ASPH: variants seen among roughly 807,000 people sequenced by gnomAD.
The protein encoded by ASPH is aspartyl/asparaginyl beta-hydroxylase.
In ASPH, 100 loss-of-function variants were observed where a neutral mutation model predicts 118.4. The observed-to-expected ratio is 0.84, with a 90% CI of 0.72 to 1.00. The LOEUF is 1.00. Ranked by LOEUF, ASPH falls within the 50% of genes least tolerant of loss-of-function variation. ASPH has a pLI of 0.00. For synonymous variants in ASPH, 315 were observed against 325.6 expected (o/e 0.97, Z 0.35); for missense variants, 920 against 919.5 (o/e 1.00, Z -0.01).
At chr8:61,579,977 G>A (rs1836960688) in intron 15 of ASPH, among the ~76,000 whole-genome samples, 1 of 149,200 alleles carries the variant, frequency 6.7e-6, no homozygotes, top group Admixed American at 6.7e-5. Context: ...TTCCATGCAA[G>A]TCTAAAATCC....
intron 13 of ASPH, among the ~76,000 whole-genome samples, chr8:61,623,218 A>C (rs950135099): frequency 2.0e-5 from 3 of 152,202 alleles, no homozygotes; most frequent in African/African-American, 4.8e-5. Context: ...ACCAGCATTC[A>C]TTACTGCTGT....
intron 24 of ASPH, among the ~76,000 whole-genome samples, chr8:61,510,458 G>A (rs1563637691): frequency 6.6e-6 from 1 of 152,190 alleles, no homozygotes; most frequent in African/African-American, 2.4e-5. Flanking sequence ...AAGATTATTA[G>A]TTAAAAAGCT....
At chr8:61,682,543 G>A in intron 2 of ASPH, 10 of 1,465,030 alleles carry the variant, frequency 6.8e-6, no homozygotes, top group Non-Finnish European at 9.6e-6. Flanking sequence ...AATACTTAAA[G>A]TGTCCTCTTT....
At chr8:61,698,212 T>C (rs1042233029) in intron 1 of ASPH, among the ~76,000 whole-genome samples, 1 of 152,358 alleles carries the variant, frequency 6.6e-6, no homozygotes, top group East Asian at 1.9e-4. Context: ...GTAATACTTA[T>C]GGACAGAAAA....
intron 3 of ASPH, among the ~76,000 whole-genome samples, chr8:61,679,010 T>G (rs1826634872): frequency 6.6e-6 from 1 of 152,076 alleles, no homozygotes; most frequent in African/African-American, 2.4e-5. Flanking sequence ...TAAACTACAA[T>G]AATCTCACAA....
intron 21 of ASPH, among the ~76,000 whole-genome samples, chr8:61,547,640 A>G (rs1156302075): frequency 2.0e-5 from 3 of 152,246 alleles, no homozygotes; most frequent in African/African-American, 4.8e-5. Flanking sequence ...AACAATTCCA[A>G]TCTTCTCACT....
At chr8:61,576,355 C>G (rs1314702504) in intron 16 of ASPH, among the ~76,000 whole-genome samples, 1 of 152,184 alleles carries the variant, frequency 6.6e-6, no homozygotes, top group Non-Finnish European at 1.5e-5. Flanking sequence ...TTGGAAAAAA[C>G]TATAGAGACA....
intron 16 of ASPH, among the ~76,000 whole-genome samples, chr8:61,574,490 C>A (rs542703939): frequency 2.0e-5 from 3 of 152,164 alleles, no homozygotes; most frequent in Non-Finnish European, 4.4e-5. Context: ...AAATGTGGCA[C>A]ATATACACCA....
chr8:61,585,909 G>C (rs1289058422), intron 14 of ASPH, among the ~76,000 whole-genome samples: 2 of 152,084 alleles, frequency 1.3e-5, no homozygotes, highest in East Asian at 3.8e-4. Context: ...TAAAATTAGG[G>C]GTGTTTTTGA....
At chr8:61,510,412 CTATAA>C (rs1462516328) in intron 24 of ASPH, among the ~76,000 whole-genome samples, 14 of 152,296 alleles carry the variant, frequency 9.2e-5, no homozygotes, top group African/African-American at 3.4e-4. Flanking sequence ...AGAAACATTA[CTATAA>C]ATAGTCACTG....
chr8:61,581,496 T>A (rs1012619122), intron 15 of ASPH, among the ~76,000 whole-genome samples: 9 of 152,242 alleles, frequency 5.9e-5, no homozygotes, highest in Non-Finnish European at 1.2e-4. Flanking sequence ...CATGGTAGAA[T>A]AATCCACTGG....
chr8:61,678,296 T>C (rs1312772121), intron 3 of ASPH, among the ~76,000 whole-genome samples: 1 of 152,188 alleles, frequency 6.6e-6, no homozygotes, highest in African/African-American at 2.4e-5. Context: ...CTGTTGATTT[T>C]ATTTGGAAAA....
chr8:61,534,057 C>G (rs4537294), intron 21 of ASPH, among the ~76,000 whole-genome samples: 42,488 of 152,034 alleles, frequency 0.28, 8,322 homozygotes, highest in African/African-American at 0.53. Flanking sequence ...AAGTAATTCT[C>G]CTGCCTCAGC....
At chr8:61,521,896 G>A (rs1054582525) in intron 22 of ASPH, among the ~76,000 whole-genome samples, 1 of 152,124 alleles carries the variant, frequency 6.6e-6, no homozygotes. Context: ...GCAACAACAG[G>A]TTCCATCTTG....
chr8:61,638,269 A>C, intron 11 of ASPH, 53 bp downstream of exon 11: 1 of 1,577,918 alleles, frequency 6.3e-7, no homozygotes, highest in Non-Finnish European at 8.6e-7. Flanking sequence ...AGTTTTAACA[A>C]AATACAGGGA....
chr8:61,679,554 A>C (rs539410741), intron 3 of ASPH, among the ~76,000 whole-genome samples: 1 of 152,170 alleles, frequency 6.6e-6, no homozygotes, highest in South Asian at 2.1e-4. Flanking sequence ...GCTGGTTTTA[A>C]GCAAAAACAA....
intron 21 of ASPH, among the ~76,000 whole-genome samples, chr8:61,547,833 A>G (rs984924041): frequency 6.6e-6 from 1 of 152,166 alleles, no homozygotes; most frequent in East Asian, 1.9e-4. Context: ...TTAAGAGTAT[A>G]AGAGGGTCCT....
chr8:61,610,629 G>A (rs950259551), intron 14 of ASPH, among the ~76,000 whole-genome samples: 3 of 152,234 alleles, frequency 2.0e-5, no homozygotes, highest in Non-Finnish European at 4.4e-5. Flanking sequence ...AGCTGCAAGG[G>A]TGGACGGGAG....
chr8:61,571,960 A>G (rs965724217), intron 16 of ASPH, among the ~76,000 whole-genome samples: 1 of 152,234 alleles, frequency 6.6e-6, no homozygotes, highest in Non-Finnish European at 1.5e-5. Context: ...ACTAATTTAT[A>G]AAAATCATAC....
Sources: allele counts gnomAD v4.1 joint callset (sites outside exome capture counted in the v4.1 genomes callset), GRCh38; gene constraint gnomAD v4.1.1; transcripts MANE v1.5; gene names NCBI Gene and HGNC (gene_info 2026-07-23, HGNC 2026-07-21).